NELL2: variants seen among roughly 807,000 people sequenced by gnomAD.
NELL2 encodes the protein protein kinase C-binding protein NELL2.
NELL2 carries 41 observed loss-of-function variants against 109.6 expected under a neutral mutation model. The observed-to-expected ratio is 0.37, with a 90% confidence interval of 0.29 to 0.49. NELL2 has a LOEUF of 0.49. Among genes scored for constraint, NELL2 ranks in the 20% least tolerant of loss-of-function variants. The pLI, the probability that NELL2 is intolerant of heterozygous loss-of-function variation, is 0.98. For synonymous variants in NELL2, 355 were observed against 344.7 expected, an observed-to-expected ratio of 1.03 and a Z score of -0.33; for missense variants, 900 against 1,008.3, an observed-to-expected ratio of 0.89 and a Z score of 1.45.
intron 9 of NELL2, among the ~76,000 whole-genome samples, chr12:44,766,484 C>G (rs1941340127): frequency 6.6e-6 from 1 of 152,180 alleles, no homozygotes; most frequent in South Asian, 2.1e-4. Flanking sequence ...ATGTCTCATT[C>G]TTGCCTATTC....
chr12:44,750,267 G>C (rs1317989719), intron 9 of NELL2, among the ~76,000 whole-genome samples: 2 of 152,176 alleles, frequency 1.3e-5, no homozygotes, highest in Non-Finnish European at 2.9e-5. Context: ...AGCAGATGCT[G>C]TTCAGAGAAG....
chr12:44,791,065 GTATATATATATATATACA>G (rs1310648181), intron 3 of NELL2, among the ~76,000 whole-genome samples: 2 of 43,252 alleles, frequency 4.6e-5, no homozygotes, highest in African/African-American at 9.7e-5. Context: ...GAAAGTTCAA[GTATATATATATATATACA>G]TATATATATA....
chr12:44,876,416 G>C, upstream of NELL2: 1 of 1,273,132 alleles, frequency 7.9e-7, no homozygotes, highest in Non-Finnish European at 9.9e-7. Flanking sequence ...CGCCGAGGGC[G>C]AGGCCGGCGC....
At chr12:44,791,292 T>C (rs1484531099) in intron 3 of NELL2, among the ~76,000 whole-genome samples, 12 of 130,026 alleles carry the variant, frequency 9.2e-5, no homozygotes, top group Admixed American at 8.3e-4. Flanking sequence ...CTGGATGAGA[T>C]TGGAGACTAT....
intron 9 of NELL2, among the ~76,000 whole-genome samples, chr12:44,719,082 A>G (rs1938634725): frequency 6.6e-6 from 1 of 152,232 alleles, no homozygotes. Flanking sequence ...ATGGAATCCA[A>G]AAAAATCAAT....
chr12:44,825,126 T>C (rs1674891974), intron 2 of NELL2, among the ~76,000 whole-genome samples: 1 of 152,188 alleles, frequency 6.6e-6, no homozygotes, highest in African/African-American at 2.4e-5. Context: ...TTAGGATTGT[T>C]TCTTCTATTT....
At chr12:44,544,000 C>A (rs954533110) in intron 15 of NELL2, among the ~76,000 whole-genome samples, 2 of 151,894 alleles carry the variant, frequency 1.3e-5, no homozygotes, top group African/African-American at 4.8e-5. Flanking sequence ...ATAGGTAAAG[C>A]ATGAGATATT....
intron 9 of NELL2, among the ~76,000 whole-genome samples, chr12:44,747,218 A>G (rs891675626): frequency 5.3e-5 from 8 of 150,970 alleles, no homozygotes; most frequent in Non-Finnish European, 1.0e-4. Context: ...CAAACACCAC[A>G]TGTTCTCACT....
chr12:44,566,533 T>TCACA (rs3071958), intron 15 of NELL2, among the ~76,000 whole-genome samples: 164 of 148,870 alleles, frequency 1.1e-3, no homozygotes, highest in Middle Eastern at 3.4e-3. Context: ...TTACACATAC[T>TCACA]CACACACACA....
At chr12:44,561,167 A>T (rs1943454446) in intron 15 of NELL2, among the ~76,000 whole-genome samples, 1 of 152,248 alleles carries the variant, frequency 6.6e-6, no homozygotes. Context: ...CTAGGAATTG[A>T]TGGAATGTAT....
intron 13 of NELL2, among the ~76,000 whole-genome samples, chr12:44,640,877 A>G (rs1946829537): frequency 6.6e-6 from 1 of 152,222 alleles, no homozygotes; most frequent in Non-Finnish European, 1.5e-5. Context: ...GACAACATGT[A>G]ACTGAAGATG....
intron 2 of NELL2, among the ~76,000 whole-genome samples, chr12:44,843,369 G>A (rs1405584341): frequency 6.6e-6 from 1 of 152,080 alleles, no homozygotes; most frequent in East Asian, 1.9e-4. Flanking sequence ...ACTATACACT[G>A]GTTAGAATGA....
At chr12:44,629,259 T>G (rs549649996) in intron 13 of NELL2, among the ~76,000 whole-genome samples, 2 of 152,324 alleles carry the variant, frequency 1.3e-5, no homozygotes, top group African/African-American at 2.4e-5. Context: ...GAGTTTAATG[T>G]TAGCTTCAGA....
intron 15 of NELL2, among the ~76,000 whole-genome samples, chr12:44,567,663 T>A (rs534309194): frequency 6.6e-6 from 1 of 152,296 alleles, no homozygotes; most frequent in African/African-American, 2.4e-5. Context: ...ACACTATTCA[T>A]ATTACTTTTG....
chr12:44,648,733 T>TATATATA (rs1566084908), intron 13 of NELL2, among the ~76,000 whole-genome samples: 44 of 22,386 alleles, frequency 2.0e-3, no homozygotes, highest in African/African-American at 5.6e-3. Flanking sequence ...ATATATATAT[T>TATATATA]TTTTTTTTTT....
At chr12:44,693,284 A>G (rs567421794) in intron 12 of NELL2, among the ~76,000 whole-genome samples, 4 of 152,322 alleles carry the variant, frequency 2.6e-5, no homozygotes, top group African/African-American at 9.6e-5. Flanking sequence ...TGTTTAAATT[A>G]AGATACATAC....
chr12:44,517,998 A>G (rs977417373), intron 19 of NELL2, among the ~76,000 whole-genome samples: 1 of 152,336 alleles, frequency 6.6e-6, no homozygotes, highest in Admixed American at 6.5e-5. Flanking sequence ...AAATAACACA[A>G]AATAAATGTA....
At chr12:44,876,478 G>C, upstream of NELL2, 1 of 1,342,766 alleles carries the variant, frequency 7.4e-7, no homozygotes, top group Non-Finnish European at 9.6e-7. Context: ...GGTCTAGGGA[G>C]CCCAGGAGCC....
At chr12:44,641,989 G>A (rs1282674709) in intron 13 of NELL2, among the ~76,000 whole-genome samples, 2 of 151,992 alleles carry the variant, frequency 1.3e-5, no homozygotes, top group Non-Finnish European at 2.9e-5. Context: ...AAGCCAGCGC[G>A]CCCGGCCCAG....
Sources: allele counts gnomAD v4.1 joint callset (sites outside exome capture counted in the v4.1 genomes callset), GRCh38; gene constraint gnomAD v4.1.1; transcripts MANE v1.5; gene names NCBI Gene and HGNC (gene_info 2026-07-23, HGNC 2026-07-21).